TRIO: variants seen among roughly 807,000 people sequenced by gnomAD.
TRIO encodes the protein trio Rho guanine nucleotide exchange factor.
Under a neutral mutation model 351.9 loss-of-function variants are expected in TRIO, and 58 were observed. The observed-to-expected ratio is 0.16, with a 90% CI of 0.13 to 0.21. The LOEUF is 0.21. TRIO is among the 10% of genes least tolerant of loss of function. TRIO has a pLI of 1.00. For missense variants in TRIO, 3,201 were observed against 4,027.8 expected, an observed-to-expected ratio of 0.79 and a Z score of 5.56; for synonymous variants, 1,758 against 1,595.7, an observed-to-expected ratio of 1.10 and a Z score of -2.42.
intron 2 of TRIO, among the ~76,000 whole-genome samples, 195 bp downstream of exon 2, chr5:14,271,094 G>A (rs888493128): frequency 2.0e-5 from 3 of 152,242 alleles, no homozygotes; most frequent in African/African-American, 7.2e-5. Context: ...GGAGGCACAT[G>A]ATAAGTTAGT....
At chr5:14,382,152 A>G (rs1746162422) in intron 21 of TRIO, among the ~76,000 whole-genome samples, 1 of 152,236 alleles carries the variant, frequency 6.6e-6, no homozygotes, top group South Asian at 2.1e-4. Context: ...TGGGAAATAA[A>G]TGATAAGTGG....
At chr5:14,192,195 G>C (rs947749134) in intron 1 of TRIO, among the ~76,000 whole-genome samples, 1 of 151,944 alleles carries the variant, frequency 6.6e-6, no homozygotes, top group East Asian at 1.9e-4. Context: ...CTTCTTGGAC[G>C]CCAAGGAGGT....
At chr5:14,367,642 G>A (rs137963925) in intron 16 of TRIO, among the ~76,000 whole-genome samples, 1 of 152,288 alleles carries the variant, frequency 6.6e-6, no homozygotes, top group East Asian at 1.9e-4. Flanking sequence ...ATGGGTCATG[G>A]TTCTGATTGG....
At chr5:14,358,002 G>A (rs1034592504) in intron 11 of TRIO, among the ~76,000 whole-genome samples, 176 bp from the exon 12 acceptor site, 2 of 152,186 alleles carry the variant, frequency 1.3e-5, no homozygotes, top group South Asian at 4.1e-4. Context: ...CGCTGGCAGT[G>A]GGACTGGATG....
At chr5:14,458,789 G>T (rs1250176236) in intron 34 of TRIO, among the ~76,000 whole-genome samples, 2 of 152,170 alleles carry the variant, frequency 1.3e-5, no homozygotes, top group African/African-American at 2.4e-5. Context: ...CCTTCCTGAG[G>T]CTAGGAACTG....
chr5:14,292,190 G>C (rs186943049), intron 5 of TRIO, among the ~76,000 whole-genome samples: 2 of 152,190 alleles, frequency 1.3e-5, no homozygotes, highest in Non-Finnish European at 2.9e-5. Context: ...GGATGTAAAA[G>C]GACTTTTCAA....
intron 1 of TRIO, among the ~76,000 whole-genome samples, chr5:14,231,873 A>C (rs1301301416): frequency 6.8e-6 from 1 of 146,926 alleles, no homozygotes; most frequent in African/African-American, 2.5e-5. Flanking sequence ...TTGTTTTCTC[A>C]TACTATCATA....
At chr5:14,440,731 G>C (rs1256450908) in intron 34 of TRIO, 1 of 152,160 alleles carries the variant, frequency 6.6e-6, no homozygotes, top group African/African-American at 2.4e-5. Flanking sequence ...ATCAGGAGGT[G>C]CTGTTTGGTG....
chr5:14,491,320 G>A (rs1284877032), intron 48 of TRIO, among the ~76,000 whole-genome samples: 2 of 152,212 alleles, frequency 1.3e-5, no homozygotes, highest in Admixed American at 6.5e-5. Flanking sequence ...CATCTGCACT[G>A]ACCCAGGATC....
intron 1 of TRIO, among the ~76,000 whole-genome samples, chr5:14,155,836 G>A (rs1222585061): frequency 6.6e-6 from 1 of 152,152 alleles, no homozygotes; most frequent in African/African-American, 2.4e-5. Flanking sequence ...TTAGCATTTT[G>A]TGGGGAGATA....
chr5:14,215,582 T>G (rs972188382), intron 1 of TRIO, among the ~76,000 whole-genome samples: 1 of 152,242 alleles, frequency 6.6e-6, no homozygotes, highest in African/African-American at 2.4e-5. Context: ...TTCCTTAAGT[T>G]TCTTTAGTTC....
chr5:14,429,972 A>G (rs773179161), intron 34 of TRIO, among the ~76,000 whole-genome samples: 1 of 151,982 alleles, frequency 6.6e-6, no homozygotes, highest in African/African-American at 2.4e-5. Flanking sequence ...CGTGTGCCTT[A>G]GTGATTAACT....
intron 8 of TRIO, among the ~76,000 whole-genome samples, chr5:14,307,328 T>A (rs959783166): frequency 2.0e-4 from 30 of 152,232 alleles, no homozygotes; most frequent in Admixed American, 1.6e-3. Context: ...TCTTCTGGTC[T>A]GGGGCACTGT....
At chr5:14,176,740 G>T (rs1347717993) in intron 1 of TRIO, among the ~76,000 whole-genome samples, 1 of 152,180 alleles carries the variant, frequency 6.6e-6, no homozygotes, top group East Asian at 1.9e-4. Flanking sequence ...ACCATGCCCA[G>T]CCTCAGTTCA....
At chr5:14,312,800 A>G (rs189841023) in intron 8 of TRIO, among the ~76,000 whole-genome samples, 276 of 152,296 alleles carry the variant, frequency 1.8e-3, no homozygotes, top group African/African-American at 6.1e-3. Context: ...TGTCTGCTCT[A>G]TATAGTCTCT....
At chr5:14,325,773 C>G (rs141044841) in intron 9 of TRIO, among the ~76,000 whole-genome samples, 35 of 152,264 alleles carry the variant, frequency 2.3e-4, no homozygotes, top group African/African-American at 8.4e-4. Flanking sequence ...TAGTAGGGAC[C>G]TACTACAGAA....
intron 10 of TRIO, among the ~76,000 whole-genome samples, chr5:14,331,953 A>C (rs1226352239): frequency 6.6e-6 from 1 of 152,208 alleles, no homozygotes; most frequent in Non-Finnish European, 1.5e-5. Flanking sequence ...GCTTTTTGCA[A>C]ATAACTGTCA....
chr5:14,203,653 C>T (rs946621962), intron 1 of TRIO, among the ~76,000 whole-genome samples: 4 of 152,328 alleles, frequency 2.6e-5, no homozygotes, highest in East Asian at 3.9e-4. Flanking sequence ...TCCGGTGTGG[C>T]GTTCAGTGCC....
At chr5:14,467,607 G>A (rs546338718) in intron 37 of TRIO, among the ~76,000 whole-genome samples, 19 of 152,228 alleles carry the variant, frequency 1.2e-4, no homozygotes, top group Middle Eastern at 3.4e-3. Context: ...CTTGAGCCCA[G>A]GAGTTCGAGA....
Sources: gnomAD v4.1 joint callset for allele counts (sites outside exome capture counted in the v4.1 genomes callset) on GRCh38, gnomAD v4.1.1 for gene constraint, MANE v1.5 for transcripts, NCBI Gene and HGNC (gene_info 2026-07-23, HGNC 2026-07-21) for gene names.